The following FAM120B variants were observed in gnomAD, a reference collection of about 807,000 sequenced individuals.
FAM120B encodes family with sequence similarity 120 member B.
FAM120B carries 83 observed loss-of-function variants against 96.3 expected under a neutral mutation model. The observed-to-expected ratio is 0.86, with a 90% confidence interval of 0.72 to 1.03. The LOEUF is 1.03. Among genes scored for constraint, FAM120B ranks in the 50% least tolerant of loss-of-function variants. The pLI, the probability that FAM120B is intolerant of heterozygous loss-of-function variation, is 0.00. For missense variants in FAM120B, 1,027 were observed against 1,121.2 expected (o/e 0.92, Z 1.20); for synonymous variants, 407 against 402.7 (o/e 1.01, Z -0.13).
At position 170,348,158 on chromosome 6, in the gene FAM120B, G is replaced by T. The variant is rs146520622; in HGVS notation, c.2025G>T (p.Thr675=). The T allele has an allele frequency of 1.2e-6, 2 of 1,612,938 alleles. No homozygotes were observed. Among genetic ancestry groups the T allele is most frequent in the African/African-American group, 2.7e-5 (2 of 74,842 alleles). Residue 675 remains threonine, a synonymous_variant, in exon 5 of 11, where the codon ACG becomes ACT. Transcript: ENST00000476287. ...RPLQMTIPGG[T]PSLKILWLNQ... ...ACTTTTTTTCTTAACTAGGGGGAAC[G>T]CCTAGTTTGAAAATATTATGGCTGA... is the stretch of plus-strand genomic sequence containing the variant.
chr6:170,311,901 A>G (rs552871274), intron 1 of FAM120B, among the ~76,000 whole-genome samples: 1 of 152,352 alleles, frequency 6.6e-6, no homozygotes, highest in African/African-American at 2.4e-5. Context: ...GCCGTGACTC[A>G]GCAGCTTCCT....
upstream of FAM120B, chr6:170,295,297 A>T (rs1043923578): frequency 4.5e-6 from 3 of 661,086 alleles, no homozygotes; most frequent in African/African-American, 5.5e-5. This position sits in a 1 kb window ranked among gnomAD's most constrained non-coding sequence, Gnocchi z 7.8. Context: ...ACGCCCACCC[A>T]AGTGGGTGCA....
intron 6 of FAM120B, among the ~76,000 whole-genome samples, chr6:170,372,260 C>G (rs1165022742): frequency 6.6e-6 from 1 of 152,106 alleles, no homozygotes; most frequent in Admixed American, 6.5e-5. Context: ...AAGAAAGCCT[C>G]AATTCAGGTA....
chr6:170,400,637 G>C lies in FAM120B; in HGVS notation c.2693-3913G>C, dbSNP rs186126607. 3.9e-3 allele frequency among the ~76,000 whole-genome samples: 591 copies of C among 152,266 alleles called. 3 individuals carry two copies. Among genetic ancestry groups the C allele is most frequent in the Non-Finnish European group, 6.5e-3 (443 of 68,014 alleles). ...CCACAGCACCAGCATCCAGGCAGAG[G>C]GGATCGTGGCCACTTCTTCCAAAAC... is the stretch of plus-strand genomic sequence containing the variant. On this transcript the variant is annotated intron_variant, in intron 9 of 10. Coordinates refer to ENST00000476287, the MANE Select transcript of FAM120B (RefSeq NM_032448.3).
intron 1 of FAM120B, chr6:170,298,122 G>A (rs562716946): frequency 6.6e-6 from 1 of 152,256 alleles, no homozygotes; most frequent in African/African-American, 2.4e-5. Flanking sequence ...TGAAGACAGA[G>A]GCAGTTTAAA....
At chr6:170,350,435 A>C (rs570464552) in intron 5 of FAM120B, among the ~76,000 whole-genome samples, 1 of 152,264 alleles carries the variant, frequency 6.6e-6, no homozygotes, top group South Asian at 2.1e-4. Context: ...AGTGCAGCAC[A>C]TTGGCTCTAC....
chr6:170,390,834 G>A (rs73038683), intron 7 of FAM120B, among the ~76,000 whole-genome samples, 179 bp from the exon 8 acceptor site: 12,697 of 152,216 alleles, frequency 0.083, 590 homozygotes, highest in Non-Finnish European at 0.098. Context: ...TTGGGATGTG[G>A]TCATGCTGAA....
At chr6:170,342,509 G>C (rs1786902585) in intron 4 of FAM120B, among the ~76,000 whole-genome samples, 1 of 152,204 alleles carries the variant, frequency 6.6e-6, no homozygotes, top group Admixed American at 6.5e-5. Flanking sequence ...TTCTGTGTTT[G>C]TAGCTGTGGA....
At chr6:170,378,254 C>A (rs1252820622) in intron 6 of FAM120B, among the ~76,000 whole-genome samples, 3 of 152,150 alleles carry the variant, frequency 2.0e-5, no homozygotes, top group Non-Finnish European at 4.4e-5. Context: ...AGCTGTAGCA[C>A]ATCTGATCTA....
In FAM120B at chr6:170,361,225, T is replaced by TACACAC. The variant is rs1256284068; in HGVS notation, c.2283+2908_2283+2909insCACACA. Among the ~76,000 whole-genome samples the TACACAC allele has an allele frequency of 6.5e-5, 8 of 123,576 alleles. No individual in the cohort carries two copies. In the East Asian group the frequency reaches 8.4e-4, roughly 13 times the overall value. 81.1% of individuals were successfully genotyped at this position (123,576 alleles called of 152,430 possible). A position where few individuals can be genotyped will look rare whatever the true frequency, so the allele number is the denominator to read the frequency against. On this transcript the variant is annotated intron_variant, in intron 6 of 10. Transcript: ENST00000476287. ...ATATATATATATATATATATATATA[T>TACACAC]ATATATATATACACGTATATATATA...
chr6:170,300,976 T>C (rs1055442447), intron 1 of FAM120B, among the ~76,000 whole-genome samples: 2 of 152,194 alleles, frequency 1.3e-5, no homozygotes, highest in African/African-American at 4.8e-5. Context: ...TGTTGGTGGA[T>C]CTACCATTCT....
chr6:170,315,683 C>T (rs1333941461), intron 1 of FAM120B, among the ~76,000 whole-genome samples: 2 of 152,094 alleles, frequency 1.3e-5, no homozygotes, highest in African/African-American at 4.8e-5. Context: ...TTTATGTTCA[C>T]CCAATTTTTG....
At chr6:170,388,159 T>C in intron 6 of FAM120B, 128 bp from the exon 7 acceptor site, 2 of 757,240 alleles carry the variant, frequency 2.6e-6, no homozygotes, top group Non-Finnish European at 4.5e-6. Flanking sequence ...AGGATGCAGC[T>C]ATGGTGATGC....
chr6:170,348,722 G>C (rs947520396), intron 5 of FAM120B, among the ~76,000 whole-genome samples: 3 of 152,194 alleles, frequency 2.0e-5, no homozygotes, highest in Non-Finnish European at 4.4e-5. Context: ...CTAGCTTCTC[G>C]TAGCTCTTTG....
At chr6:170,359,951 C>A (rs780151915) in intron 6 of FAM120B, among the ~76,000 whole-genome samples, 1 of 152,140 alleles carries the variant, frequency 6.6e-6, no homozygotes, top group Non-Finnish European at 1.5e-5. Context: ...CGCCGAGCGG[C>A]AGCCCTGGCC....
intron 6 of FAM120B, among the ~76,000 whole-genome samples, chr6:170,367,367 A>G (rs1439850560): frequency 6.6e-6 from 1 of 152,268 alleles, no homozygotes; most frequent in Non-Finnish European, 1.5e-5. Flanking sequence ...ATAATATTCC[A>G]TGATGTGAAA....
intron 1 of FAM120B, among the ~76,000 whole-genome samples, chr6:170,299,624 G>C (rs1784099229): frequency 6.6e-6 from 1 of 152,176 alleles, no homozygotes; most frequent in Non-Finnish European, 1.5e-5. Context: ...TTTTTGTCCA[G>C]TTTTTTAGTT....
chr6:170,404,533 A>G lies in FAM120B; in HGVS notation c.2693-17A>G. ...AGATTTAATTCTTACTTTGGTTTTC[A>G]TGTCTGTTTACTGCAGGAAGCAGAC... On this transcript the variant is annotated splice_polypyrimidine_tract_variant and intron_variant, in intron 9 of 10. Coordinates refer to ENST00000476287, the MANE Select transcript of FAM120B (RefSeq NM_032448.3). 6.2e-7 allele frequency: 1 copy of G among 1,612,150 alleles called. No homozygotes were observed. Among genetic ancestry groups the G allele is most frequent in the Non-Finnish European group, 8.5e-7 (1 of 1,178,650 alleles).
intron 3 of FAM120B, among the ~76,000 whole-genome samples, chr6:170,327,837 A>G (rs1486216240): frequency 6.6e-6 from 1 of 151,196 alleles, no homozygotes; most frequent in Non-Finnish European, 1.5e-5. Context: ...TGCTCCGGTG[A>G]GTCCATGAGT....
Sources: allele counts gnomAD v4.1 joint callset (sites outside exome capture counted in the v4.1 genomes callset), GRCh38; gene constraint gnomAD v4.1.1; non-coding constraint Gnocchi (gnomAD v3.1); transcripts MANE v1.5; gene names NCBI Gene and HGNC (gene_info 2026-07-23, HGNC 2026-07-21).